SNTB1: variants seen among roughly 807,000 people sequenced by gnomAD.
The protein encoded by SNTB1 is syntrophin beta 1.
In SNTB1, 36 loss-of-function variants were observed where a neutral mutation model predicts 48.9. That is an observed-to-expected ratio of 0.74 (90% CI 0.56 to 0.97). The LOEUF is 0.97. Ranked by LOEUF, SNTB1 falls within the 50% of genes least tolerant of loss-of-function variation. The probability of loss-of-function intolerance (pLI) is 0.00; values close to 1 mark genes in which losing one functional copy is unlikely to be tolerated. For missense variants in SNTB1, 786 were observed against 703.4 expected, an observed-to-expected ratio of 1.12 and a Z score of -1.33; for synonymous variants, 299 against 294.6, an observed-to-expected ratio of 1.01 and a Z score of -0.15.
At chr8:120,567,013 T>C (rs927301404) in intron 4 of SNTB1, among the ~76,000 whole-genome samples, 3 of 152,338 alleles carry the variant, frequency 2.0e-5, no homozygotes, top group South Asian at 2.1e-4. Context: ...GGAAGCTGCA[T>C]AGAATAGTGG....
At chr8:120,808,105 G>C (rs1291184733) in intron 1 of SNTB1, among the ~76,000 whole-genome samples, 1 of 152,030 alleles carries the variant, frequency 6.6e-6, no homozygotes, top group Non-Finnish European at 1.5e-5. Context: ...AGTCAAGACA[G>C]GGTTTCACCA....
rs191068774 is a variant in SNTB1, at chr8:120,700,222, G to C, written c.572-6314C>G. On this transcript the variant is annotated intron_variant, in intron 1 of 6. Coordinates refer to ENST00000517992, the MANE Select transcript of SNTB1 (RefSeq NM_021021.4). ...ATTTAAGTCAATATTTTTATGTGCTGTGAGAAAACATCCAATTAAGAGGCT... is the reference window on the plus strand; with the variant it reads ...ATTTAAGTCAATATTTTTATGTGCTCTGAGAAAACATCCAATTAAGAGGCT... Among the ~76,000 whole-genome samples the C allele has an allele frequency of 5.7e-3, 861 of 152,128 alleles. 12 individuals carry two copies. The highest frequency in any genetic ancestry group is 0.02 in the African/African-American group (815 of 41,510).
At chr8:120,708,254 G>C (rs1587104932) in intron 1 of SNTB1, among the ~76,000 whole-genome samples, 1 of 151,590 alleles carries the variant, frequency 6.6e-6, no homozygotes, top group Non-Finnish European at 1.5e-5. Context: ...GGTTAGTCTT[G>C]TAACTCTTAA....
Position 120,763,938 on chromosome 8 carries a change from C to A in SNTB1, c.571+47335G>T, listed in dbSNP as rs377075114. ...TTCCAAAGAAGACCAAGTGTTTGGT[C>A]ACACAATGTAATGAGCAAAAATATA... On this transcript the variant is annotated intron_variant, in intron 1 of 6. Coordinates refer to ENST00000517992, the MANE Select transcript of SNTB1 (RefSeq NM_021021.4). Among the ~76,000 whole-genome samples the A allele has an allele frequency of 1.1e-4, 17 of 152,126 alleles. No individual in the cohort carries two copies. The East Asian group carries it at 3.1e-3, about 28-fold the overall frequency.
intron 3 of SNTB1, among the ~76,000 whole-genome samples, chr8:120,616,933 G>C (rs572156823): frequency 6.6e-6 from 1 of 152,284 alleles, no homozygotes; most frequent in African/African-American, 2.4e-5. Context: ...GCAGAGCGAG[G>C]CCAGCAGCCT....
chr8:120,645,450 G>T (rs1447182400), intron 2 of SNTB1, among the ~76,000 whole-genome samples: 1 of 151,142 alleles, frequency 6.6e-6, no homozygotes, highest in African/African-American at 2.4e-5. Context: ...TTTTTCTCAG[G>T]TTTGTCAAAG....
chr8:120,682,537 A>G (rs1817948456), intron 2 of SNTB1, among the ~76,000 whole-genome samples: 1 of 152,214 alleles, frequency 6.6e-6, no homozygotes, highest in African/African-American at 2.4e-5. Context: ...GATTGCTGAA[A>G]TGTCAGTATG....
chr8:120,784,003 G>C (rs539937817), intron 1 of SNTB1, among the ~76,000 whole-genome samples: 1 of 151,386 alleles, frequency 6.6e-6, no homozygotes. Flanking sequence ...GTTTTGTTTT[G>C]TTTTTTTTGA....
intron 1 of SNTB1, among the ~76,000 whole-genome samples, chr8:120,713,782 T>G (rs1428586227): frequency 1.3e-5 from 2 of 152,230 alleles, no homozygotes; most frequent in African/African-American, 4.8e-5. Context: ...TATGTCTGGC[T>G]GCTTCTTTCA....
chr8:120,806,713 C>T (rs370866317), intron 1 of SNTB1, among the ~76,000 whole-genome samples: 2 of 151,844 alleles, frequency 1.3e-5, no homozygotes, highest in East Asian at 1.9e-4. Flanking sequence ...AAAACTAAGC[C>T]CTAAAAAGAT....
intron 1 of SNTB1, among the ~76,000 whole-genome samples, chr8:120,778,970 T>A (rs1214419656): frequency 6.6e-6 from 1 of 152,170 alleles, no homozygotes; most frequent in African/African-American, 2.4e-5. Flanking sequence ...ATTTATCCAC[T>A]CCATCATTCA....
intron 3 of SNTB1, among the ~76,000 whole-genome samples, chr8:120,604,380 T>C (rs1370669247): frequency 6.6e-6 from 1 of 152,020 alleles, no homozygotes; most frequent in East Asian, 1.9e-4. Flanking sequence ...AGCCTTTCCA[T>C]ATATCAATTC....
intron 1 of SNTB1, among the ~76,000 whole-genome samples, chr8:120,783,298 A>G (rs1470275851): frequency 6.6e-6 from 1 of 152,138 alleles, no homozygotes; most frequent in Non-Finnish European, 1.5e-5. Context: ...GGAAAATCTC[A>G]ATCTAAATGT....
At chr8:120,627,492 A>C (rs1439250201) in intron 3 of SNTB1, among the ~76,000 whole-genome samples, 1 of 152,200 alleles carries the variant, frequency 6.6e-6, no homozygotes, top group African/African-American at 2.4e-5. Flanking sequence ...ACCTAACCAG[A>C]GAGGTTCAGC....
intron 1 of SNTB1, among the ~76,000 whole-genome samples, chr8:120,734,536 A>T (rs1443621653): frequency 6.6e-6 from 1 of 152,098 alleles, no homozygotes; most frequent in African/African-American, 2.4e-5. Flanking sequence ...ATGCCACCTT[A>T]CTTCATGTCT....
intron 4 of SNTB1, chr8:120,570,560 A>G (rs1471716418): frequency 6.6e-6 from 1 of 152,252 alleles, no homozygotes; most frequent in African/African-American, 2.4e-5. Context: ...CTCAGAAGCT[A>G]CACCACCTGG....
chr8:120,659,048 C>T (rs1347294071), intron 2 of SNTB1, among the ~76,000 whole-genome samples: 2 of 151,918 alleles, frequency 1.3e-5, no homozygotes, highest in Non-Finnish European at 2.9e-5. Context: ...ACTGCAACCT[C>T]CACCCCCTGG....
chr8:120,800,901 AT>A (rs1272389847), intron 1 of SNTB1, among the ~76,000 whole-genome samples: 6 of 152,134 alleles, frequency 3.9e-5, no homozygotes, highest in Admixed American at 2.0e-4. Context: ...AAAAAGCAGT[AT>A]AAGCATATTA....
chr8:120,680,448 G>T lies in SNTB1; in HGVS notation c.788+13244C>A, dbSNP rs143997984. ...AAAATTCCTGTTACAGTATTGTTTA[G>T]GATCAAAGGGAGTATCAGCCAATAG... On this transcript the variant is annotated intron_variant, in intron 2 of 6. Transcript: ENST00000517992. 2.7e-4 allele frequency among the ~76,000 whole-genome samples: 41 copies of T among 152,274 alleles called. 1 individual carries two copies. Among genetic ancestry groups the T allele is most frequent in the African/African-American group, 8.9e-4 (37 of 41,540 alleles).
Sources: gnomAD v4.1 joint callset for allele counts (sites outside exome capture counted in the v4.1 genomes callset) on GRCh38, gnomAD v4.1.1 for gene constraint, MANE v1.5 for transcripts, NCBI Gene and HGNC (gene_info 2026-07-23, HGNC 2026-07-21) for gene names.